The following TENM4 variants were observed in gnomAD, a reference collection of about 807,000 sequenced individuals.
The protein encoded by TENM4 is teneurin transmembrane protein 4, also known as teneurin-4.
A neutral mutation model predicts 243.3 loss-of-function variants in TENM4; 82 were observed. That is an observed-to-expected ratio of 0.34 (90% CI 0.28 to 0.40). TENM4 has a LOEUF of 0.40. TENM4 is among the 10% of genes least tolerant of loss of function. The probability of loss-of-function intolerance (pLI) is 1.00; values close to 1 mark genes in which losing one functional copy is unlikely to be tolerated. For synonymous variants in TENM4, 1,412 were observed against 1,456.3 expected (o/e 0.97, Z 0.69); for missense variants, 3,138 against 3,673.3 (o/e 0.85, Z 3.77).
At chr11:78,993,851 T>G (rs1199156674) in intron 6 of TENM4, among the ~76,000 whole-genome samples, 4 of 152,232 alleles carry the variant, frequency 2.6e-5, no homozygotes, top group Non-Finnish European at 5.9e-5. Context: ...TCTATGTTTC[T>G]ACTGAGTAAT....
chr11:79,281,443 T>G (rs183345877), intron 2 of TENM4, among the ~76,000 whole-genome samples: 2 of 152,320 alleles, frequency 1.3e-5, no homozygotes. Context: ...TTTTGGAGAA[T>G]GCTTTTTTAG....
chr11:79,296,925 T>C (rs990532965), intron 2 of TENM4, among the ~76,000 whole-genome samples: 4 of 152,232 alleles, frequency 2.6e-5, no homozygotes, highest in African/African-American at 7.2e-5. Flanking sequence ...CAAAGGCCTA[T>C]GTGGTATTTA....
At chr11:79,093,420 C>T (rs967986083) in intron 4 of TENM4, 6 of 152,188 alleles carry the variant, frequency 3.9e-5, no homozygotes, top group Admixed American at 1.3e-4. Context: ...CCTTTAAGGA[C>T]GGTGGAGTAG....
chr11:79,140,796 G>A (rs1862271994), intron 4 of TENM4, among the ~76,000 whole-genome samples: 1 of 152,086 alleles, frequency 6.6e-6, no homozygotes, highest in Admixed American at 6.6e-5. Flanking sequence ...TGGCATGACA[G>A]TCGTCTTCCA....
chr11:79,269,570 G>A (rs115210422), intron 2 of TENM4: 3 of 152,522 alleles, frequency 2.0e-5, no homozygotes, highest in East Asian at 1.9e-4. Context: ...GTGGGGACTC[G>A]AGGCTGCACC....
At chr11:79,350,554 T>G (rs1388870431) in intron 1 of TENM4, among the ~76,000 whole-genome samples, 1 of 151,686 alleles carries the variant, frequency 6.6e-6, no homozygotes, top group African/African-American at 2.4e-5. Flanking sequence ...CTCAGCCTCT[T>G]GAGTAGCTAA....
chr11:79,153,676 G>A (rs560250503), intron 3 of TENM4, among the ~76,000 whole-genome samples: 2 of 152,274 alleles, frequency 1.3e-5, no homozygotes, highest in South Asian at 4.1e-4. Context: ...AGTTTTCTGA[G>A]CATCTGCCAT....
Position 78,793,086 on chromosome 11 carries a change from A to C in TENM4, c.2180-6003T>G, listed in dbSNP as rs773211358. ...GTTAATCCCCGTGCAAGCCCAGATG[A>C]AGCCTGGGACCTATCGCTGCTACGT... On this transcript the variant is annotated intron_variant, in intron 15 of 33. Transcript: ENST00000278550. 7.8e-4 allele frequency among the ~76,000 whole-genome samples: 119 copies of C among 152,214 alleles called. 1 individual carries two copies. Among genetic ancestry groups the C allele is most frequent in the Non-Finnish European group, 1.4e-3 (94 of 68,038 alleles).
At chr11:79,277,506 G>T (rs1319023519) in intron 2 of TENM4, among the ~76,000 whole-genome samples, 15 of 152,190 alleles carry the variant, frequency 9.9e-5, no homozygotes, top group African/African-American at 3.1e-4. Flanking sequence ...TTGAACCCAG[G>T]TCTTTGTGAC....
chr11:79,392,185 C>A (rs140851178), intron 1 of TENM4, among the ~76,000 whole-genome samples: 1 of 152,176 alleles, frequency 6.6e-6, no homozygotes, highest in Non-Finnish European at 1.5e-5. Context: ...GGTCTCAGAG[C>A]GGAAACCTTA....
intron 4 of TENM4, among the ~76,000 whole-genome samples, chr11:79,074,591 G>T (rs887616734): frequency 1.3e-5 from 2 of 152,258 alleles, no homozygotes; most frequent in South Asian, 4.2e-4. Context: ...CCTGTCTCTC[G>T]CAGACTCATA....
intron 22 of TENM4, among the ~76,000 whole-genome samples, chr11:78,726,575 T>G (rs1478877134): frequency 2.0e-5 from 3 of 152,194 alleles, no homozygotes; most frequent in African/African-American, 7.2e-5. Flanking sequence ...TCCCCAGTGT[T>G]GGAGGTGGGG....
At chr11:79,051,182 G>A (rs1183071504) in intron 6 of TENM4, among the ~76,000 whole-genome samples, 3 of 152,204 alleles carry the variant, frequency 2.0e-5, no homozygotes, top group African/African-American at 7.2e-5. Flanking sequence ...AGCACTTCCT[G>A]TGTGCCAGAC....
intron 2 of TENM4, among the ~76,000 whole-genome samples, chr11:79,221,307 G>A (rs913946841): frequency 2.6e-5 from 4 of 151,952 alleles, no homozygotes; most frequent in Admixed American, 1.3e-4. Context: ...TAAACAGGGA[G>A]AGAAGATCCA....
intron 6 of TENM4, among the ~76,000 whole-genome samples, chr11:78,945,877 G>A (rs1856993721): frequency 6.6e-6 from 1 of 152,198 alleles, no homozygotes; most frequent in African/African-American, 2.4e-5. Flanking sequence ...TTTCAATTCT[G>A]TGAAGTCTGA....
Position 78,979,765 on chromosome 11 carries a change from C to T in TENM4, c.494-76242G>A, listed in dbSNP as rs1052512276. 7.2e-5 allele frequency among the ~76,000 whole-genome samples: 11 copies of T among 152,106 alleles called. 1 individual carries two copies. On this transcript the variant is annotated intron_variant, in intron 6 of 33. Transcript: ENST00000278550. ...TGAGGAGACAGGCCATGTTCACATCCTATAAAGGCTTCTGGTAGAATCCAG... is the reference window on the plus strand; with the variant it reads ...TGAGGAGACAGGCCATGTTCACATCTTATAAAGGCTTCTGGTAGAATCCAG...
At chr11:79,382,577 A>G (rs1268571063) in intron 1 of TENM4, among the ~76,000 whole-genome samples, 2 of 152,080 alleles carry the variant, frequency 1.3e-5, no homozygotes, top group Non-Finnish European at 2.9e-5. Flanking sequence ...GAAGCCTCCT[A>G]TGTGGCAGAA....
chr11:79,319,912 C>T (rs1856860023), intron 1 of TENM4, among the ~76,000 whole-genome samples: 2 of 152,106 alleles, frequency 1.3e-5, no homozygotes, highest in African/African-American at 4.8e-5. Context: ...CACAACTGGG[C>T]TTGTAGTTGG....
At chr11:79,178,295 T>C (rs1387871315) in intron 3 of TENM4, among the ~76,000 whole-genome samples, 1 of 152,120 alleles carries the variant, frequency 6.6e-6, no homozygotes, top group African/African-American at 2.4e-5. Context: ...TAGAGGGATA[T>C]ATAAATTGGA....
Sources: allele counts gnomAD v4.1 joint callset (sites outside exome capture counted in the v4.1 genomes callset), GRCh38; gene constraint gnomAD v4.1.1; transcripts MANE v1.5; gene names NCBI Gene and HGNC (gene_info 2026-07-23, HGNC 2026-07-21).